SHISA9: variants seen among roughly 807,000 people sequenced by gnomAD.
SHISA9 encodes protein shisa-9.
Under a neutral mutation model 38.0 loss-of-function variants are expected in SHISA9, and 13 were observed. The observed-to-expected ratio is 0.34, with a 90% CI of 0.22 to 0.54. The LOEUF (loss-of-function observed/expected upper bound fraction) is 0.54, where lower values mean the gene tolerates loss of function less well. SHISA9 is among the 20% of genes least tolerant of loss of function. The pLI is 0.91. For synonymous variants in SHISA9, 275 were observed against 242.0 expected (o/e 1.14, Z -1.27); for missense variants, 538 against 575.8 (o/e 0.93, Z 0.67).
chr16:13,261,638 C>G, the SHISA9 span, among the ~76,000 whole-genome samples: 1 of 152,172 alleles, frequency 6.6e-6, no homozygotes, highest in South Asian at 2.1e-4. Flanking sequence ...TTCTTATAAT[C>G]CAGACCCACT....
intron 4 of SHISA9, among the ~76,000 whole-genome samples, chr16:13,225,820 G>A (rs761531084): frequency 1.3e-5 from 2 of 152,176 alleles, no homozygotes; most frequent in Admixed American, 6.5e-5. Context: ...AATTAAGAGA[G>A]AGACAGATGG....
chr16:13,473,349 C>CTTTTTTTT, the SHISA9 span, among the ~76,000 whole-genome samples: 281 of 73,770 alleles, frequency 3.8e-3, 1 homozygote, highest in Middle Eastern at 0.037. Flanking sequence ...TTCTTTCTTT[C>CTTTTTTTT]TTTTTTTTTT....
chr16:13,437,995 A>G, the SHISA9 span, among the ~76,000 whole-genome samples: 1 of 150,858 alleles, frequency 6.6e-6, no homozygotes, highest in Admixed American at 6.6e-5. Flanking sequence ...CCTCCCAAGT[A>G]GCTGGGATTA....
the SHISA9 span, among the ~76,000 whole-genome samples, chr16:13,416,505 G>A: frequency 6.6e-6 from 1 of 151,996 alleles, no homozygotes; most frequent in African/African-American, 2.4e-5. Context: ...GACACCCAAG[G>A]GTACTTAGAT....
At chr16:13,487,888 G>C in the SHISA9 span, among the ~76,000 whole-genome samples, 1 of 152,138 alleles carries the variant, frequency 6.6e-6, no homozygotes, top group Non-Finnish European at 1.5e-5. Context: ...AGTTTGGGTT[G>C]GGCCAATGCA....
the SHISA9 span, among the ~76,000 whole-genome samples, chr16:13,415,682 C>G: frequency 1.3e-5 from 2 of 152,046 alleles, no homozygotes; most frequent in Admixed American, 6.5e-5. Context: ...GTGCTAATAT[C>G]TAGAAAACAG....
At chr16:13,529,210 A>T in the SHISA9 span, among the ~76,000 whole-genome samples, 1 of 152,232 alleles carries the variant, frequency 6.6e-6, no homozygotes, top group African/African-American at 2.4e-5. Context: ...ATATCAAATT[A>T]TAAACAGGAC....
At chr16:13,228,165 G>A (rs2051297356) in intron 4 of SHISA9, among the ~76,000 whole-genome samples, 1 of 152,150 alleles carries the variant, frequency 6.6e-6, no homozygotes, top group Non-Finnish European at 1.5e-5. Context: ...ACTCAGATCT[G>A]TCTCATTCCA....
chr16:12,983,709 C>G (rs746361658), intron 2 of SHISA9, among the ~76,000 whole-genome samples: 1 of 152,150 alleles, frequency 6.6e-6, no homozygotes, highest in African/African-American at 2.4e-5. Context: ...AGGATGGTCT[C>G]GATCTCCTGA....
the SHISA9 span, among the ~76,000 whole-genome samples, chr16:13,498,130 T>C: frequency 3.9e-5 from 6 of 151,992 alleles, no homozygotes; most frequent in Non-Finnish European, 2.9e-5. Context: ...GGGAAAATAT[T>C]AACATTCAGC....
At chr16:13,357,045 G>A in the SHISA9 span, among the ~76,000 whole-genome samples, 11,895 of 152,162 alleles carry the variant, frequency 0.078, 646 homozygotes, top group South Asian at 0.21. Context: ...CTTACCTATA[G>A]TGAAGGAGGC....
chr16:13,446,369 G>T, the SHISA9 span, among the ~76,000 whole-genome samples: 5 of 152,184 alleles, frequency 3.3e-5, no homozygotes, highest in Non-Finnish European at 5.9e-5. Context: ...TTGACACTGG[G>T]CTATGTCCTA....
chr16:13,491,295 C>T, the SHISA9 span, among the ~76,000 whole-genome samples: 3 of 151,810 alleles, frequency 2.0e-5, no homozygotes, highest in Non-Finnish European at 2.9e-5. Flanking sequence ...GTGCCAGTAG[C>T]CACAAAACTA....
At chr16:13,319,836 C>T in the SHISA9 span, among the ~76,000 whole-genome samples, 8 of 149,680 alleles carry the variant, frequency 5.3e-5, no homozygotes, top group Middle Eastern at 3.5e-3. Context: ...AGGAACAGAA[C>T]GCATGTGGCT....
intron 4 of SHISA9, among the ~76,000 whole-genome samples, chr16:13,228,981 A>C (rs1308541483): frequency 6.6e-6 from 1 of 152,120 alleles, no homozygotes; most frequent in African/African-American, 2.4e-5. Context: ...GCCAACATGG[A>C]AAAACGCTTC....
chr16:13,158,134 C>T (rs1053472568), intron 2 of SHISA9, among the ~76,000 whole-genome samples: 18 of 152,166 alleles, frequency 1.2e-4, no homozygotes, highest in Admixed American at 1.0e-3. Flanking sequence ...CTCTCTGTGC[C>T]TCATCTGTAA....
intron 2 of SHISA9, among the ~76,000 whole-genome samples, chr16:12,971,431 G>C (rs2072080675): frequency 6.6e-6 from 1 of 152,198 alleles, no homozygotes; most frequent in Non-Finnish European, 1.5e-5. Context: ...TCTCTTGGCT[G>C]GCTGCCCAGT....
chr16:13,046,936 G>T (rs1390572671), intron 2 of SHISA9, among the ~76,000 whole-genome samples: 1 of 152,098 alleles, frequency 6.6e-6, no homozygotes. Flanking sequence ...TACCCCTCAT[G>T]ATCTCTGTGG....
chr16:13,250,663 A>G, the SHISA9 span, among the ~76,000 whole-genome samples: 1 of 152,168 alleles, frequency 6.6e-6, no homozygotes, highest in African/African-American at 2.4e-5. Context: ...GCTTATATAT[A>G]TAACAACAAT....
Sources: allele counts gnomAD v4.1 joint callset (sites outside exome capture counted in the v4.1 genomes callset), GRCh38; gene constraint gnomAD v4.1.1; transcripts MANE v1.5; gene names NCBI Gene and HGNC (gene_info 2026-07-23, HGNC 2026-07-21).